MAP4K5: variants seen among roughly 807,000 people sequenced by gnomAD.
MAP4K5 encodes the protein MAPK/ERK kinase kinase kinase 5.
In MAP4K5, 82 loss-of-function variants were observed where a neutral mutation model predicts 135.6. The ratio of observed to expected loss-of-function variants is 0.60; its 90% CI spans 0.51 to 0.73. MAP4K5 has a LOEUF of 0.73. MAP4K5 is among the 30% of genes least tolerant of loss of function. The probability of loss-of-function intolerance (pLI) is 0.00; values close to 1 mark genes in which losing one functional copy is unlikely to be tolerated. For synonymous variants in MAP4K5, 347 were observed against 335.0 expected, an observed-to-expected ratio of 1.04 and a Z score of -0.39; for missense variants, 907 against 1,010.9, an observed-to-expected ratio of 0.90 and a Z score of 1.39.
At chr14:50,460,031 T>C (rs1365940616) in intron 13 of MAP4K5, among the ~76,000 whole-genome samples, 2 of 152,140 alleles carry the variant, frequency 1.3e-5, no homozygotes, top group Non-Finnish European at 2.9e-5. Context: ...TTATGTACAC[T>C]GCCTTTTCCC....
chr14:50,534,503 A>C (rs1393735478), upstream of MAP4K5, among the ~76,000 whole-genome samples: 1 of 152,234 alleles, frequency 6.6e-6, no homozygotes, highest in Non-Finnish European at 1.5e-5. Flanking sequence ...ACAATCCTTT[A>C]AGCATGTTAT....
chr14:50,442,709 T>C (rs1341760819), intron 21 of MAP4K5, 23 bp downstream of exon 21: 1 of 1,332,342 alleles, frequency 7.5e-7, no homozygotes, highest in East Asian at 2.3e-5. Flanking sequence ...ATTGGAGATG[T>C]ATATAAAATT....
At chr14:50,532,252 G>A in intron 1 of MAP4K5, 94 bp from the exon 2 acceptor site, 2 of 524,462 alleles carry the variant, frequency 3.8e-6, no homozygotes, top group Non-Finnish European at 6.7e-6. Context: ...CTTCCGTCCC[G>A]CCAGGGGCCG....
upstream of MAP4K5, among the ~76,000 whole-genome samples, chr14:50,534,565 T>C (rs1213070293): frequency 6.6e-6 from 1 of 152,266 alleles, no homozygotes; most frequent in Non-Finnish European, 1.5e-5. Context: ...TTTGAGGTCA[T>C]AGGCTTCAAC....
chr14:50,445,041 C>T lies in MAP4K5; in HGVS notation c.1339G>A (p.Gly447Arg). The T allele has an allele frequency of 6.2e-7, 1 of 1,612,712 alleles. No individual in the cohort carries two copies. The highest frequency in any genetic ancestry group is 8.5e-7 in the Non-Finnish European group (1 of 1,179,230). Reference sequence around the variant, plus strand: ...TGGCTGCTAATAATGCTAGCCATACCAATAGAAGAAGTCTCTGCCACAGGC... The same window carrying T: ...TGGCTGCTAATAATGCTAGCCATACTAATAGAAGAAGTCTCTGCCACAGGC... ...CGPVAETSSI[G>R]NGDGISKLMS... The change falls in exon 18 of 33, where the codon GGA becomes AGA. Residue 447 changes from glycine to arginine, a missense_variant and splice_region_variant. Around this residue, in one of 3 missense-constraint regions of MAP4K5, gnomAD observed 690 missense variants for 777.4 expected, o/e 0.89. Coordinates refer to ENST00000682126, the MANE Select transcript of MAP4K5 (RefSeq NM_006575.6).
At chr14:50,519,164 C>T (rs1474422208) in intron 2 of MAP4K5, among the ~76,000 whole-genome samples, 1 of 150,816 alleles carries the variant, frequency 6.6e-6, no homozygotes, top group Non-Finnish European at 1.5e-5. Context: ...TATTTACTGA[C>T]AAAAAGTTGT....
At chr14:50,498,739 T>A (rs897795571) in intron 3 of MAP4K5, among the ~76,000 whole-genome samples, 12 of 152,248 alleles carry the variant, frequency 7.9e-5, no homozygotes. Flanking sequence ...TGGAATTTCA[T>A]TTACTTAAAA....
intron 5 of MAP4K5, among the ~76,000 whole-genome samples, chr14:50,483,837 CATTTATTTATTTATTTATTTATTT>C (rs72048369): frequency 1.6e-4 from 23 of 144,188 alleles, no homozygotes; most frequent in Non-Finnish European, 2.6e-4. Flanking sequence ...ACAGCAATTC[CATTTATTTATTTATTTATTTATTT>C]ATTTATTTAT....
At position 50,501,467 on chromosome 14, in the gene MAP4K5, T is replaced by G. The variant is rs2037704370; in HGVS notation, c.166+3333A>C. Among the ~76,000 whole-genome samples, 3 of 151,944 alleles carry G rather than the reference T, an allele frequency of 2.0e-5. No homozygotes were observed. In the South Asian group the frequency reaches 6.2e-4, roughly 31 times the overall value. ...ATTAAAAACAAAAACAACAACAGAATTAAAATTAAACATCTCTCCAAACAA... is the reference window on the plus strand; with the variant it reads ...ATTAAAAACAAAAACAACAACAGAAGTAAAATTAAACATCTCTCCAAACAA... On this transcript the variant is annotated intron_variant, in intron 3 of 32. Transcript: ENST00000682126.
chr14:50,503,817 C>A (rs771555330), intron 3 of MAP4K5, among the ~76,000 whole-genome samples: 1 of 152,142 alleles, frequency 6.6e-6, no homozygotes. Context: ...CTTGAATAAC[C>A]ATCCTTGAAC....
At chr14:50,556,936 A>C (rs1008324042) in intron 1 of MAP4K5, among the ~76,000 whole-genome samples, 1 of 152,234 alleles carries the variant, frequency 6.6e-6, no homozygotes, top group East Asian at 1.9e-4. Context: ...GGCTATTATG[A>C]ATAATGCTGT....
intron 14 of MAP4K5, chr14:50,449,725 A>G (rs2036438387): frequency 6.6e-6 from 1 of 152,060 alleles, no homozygotes; most frequent in South Asian, 2.1e-4. Flanking sequence ...ACTTTAAAAA[A>G]TAATCTAAAA....
intron 14 of MAP4K5, among the ~76,000 whole-genome samples, chr14:50,454,555 A>C (rs554404420): frequency 6.6e-6 from 1 of 152,236 alleles, no homozygotes; most frequent in African/African-American, 2.4e-5. Flanking sequence ...ATACAAAAGA[A>C]GTTTCACAAA....
chr14:50,518,909 A>T (rs1453913164), intron 2 of MAP4K5, among the ~76,000 whole-genome samples: 5 of 152,190 alleles, frequency 3.3e-5, no homozygotes, highest in Admixed American at 6.5e-5. Flanking sequence ...TGATGGGTGC[A>T]AATTTTTTTG....
chr14:50,522,716 T>C (rs980212945), intron 2 of MAP4K5, among the ~76,000 whole-genome samples: 3 of 152,176 alleles, frequency 2.0e-5, no homozygotes, highest in African/African-American at 7.2e-5. Flanking sequence ...GAGTCTCTCA[T>C]AATGTCAGAC....
At position 50,532,125 on chromosome 14, in the gene MAP4K5, C is replaced by T. The variant is rs920621740; in HGVS notation, c.-76G>A. On this transcript the variant is annotated 5_prime_UTR_variant, in exon 2 of 33. Coordinates refer to ENST00000682126, the MANE Select transcript of MAP4K5 (RefSeq NM_006575.6). ...CCGCTAACAAGCACGAACGGCGCCG[C>T]TTCCCAACATGGAGCCTCCGCCCGC... The T allele has an allele frequency of 1.1e-6, 1 of 910,496 alleles. No individual in the cohort carries two copies. Among genetic ancestry groups the T allele is most frequent in the Non-Finnish European group, 1.7e-6 (1 of 592,732 alleles). 56.4% of individuals were successfully genotyped at this position (910,496 alleles called of 1,614,324 possible). A position where few individuals can be genotyped will look rare whatever the true frequency, so the allele number is the denominator to read the frequency against.
In MAP4K5 at chr14:50,489,629, C is replaced by T. The variant is rs142487385; in HGVS notation, c.167-3435G>A. 2.8e-4 allele frequency among the ~76,000 whole-genome samples: 43 copies of T among 152,212 alleles called. 1 individual carries two copies. The East Asian group carries it at 8.1e-3, about 29-fold the overall frequency. The stretch of plus-strand genomic sequence containing the variant: ...TAATCACTACCAGTCTGATCATAGC[C>T]CTCCTAACAAAATCTACCTCCATCC... On this transcript the variant is annotated intron_variant, in intron 3 of 32. Transcript: ENST00000682126.
rs1439069398 is a variant in MAP4K5, at chr14:50,462,758, A to C, written c.843T>G (p.Gly281=). ...GTTCAACTGCTAGGGCTCTAGAGAG[A>C]CCTGGCTGTGCAACAAAAGTGTGCT... The part of the protein sequence containing the change: ...LLTHTFVAQP[G]LSRALAVELL... Residue 281 remains glycine, a synonymous_variant, in exon 13 of 33, where the codon GGT becomes GGG. Transcript: ENST00000682126. 12 of 1,609,134 alleles carry C rather than the reference A, an allele frequency of 7.5e-6. No homozygotes were observed. The highest frequency in any genetic ancestry group is 1.0e-5 in the Non-Finnish European group (12 of 1,176,666).
At chr14:50,514,484 C>T (rs1215958954) in intron 2 of MAP4K5, among the ~76,000 whole-genome samples, 4 of 152,158 alleles carry the variant, frequency 2.6e-5, no homozygotes, top group African/African-American at 9.7e-5. Context: ...GAAACAAAAA[C>T]AGTTCCTGTC....
Sources: gnomAD v4.1 joint callset for allele counts (sites outside exome capture counted in the v4.1 genomes callset) on GRCh38, gnomAD v4.1.1 for gene constraint, gnomAD v4.1.1 regional missense constraint, MANE v1.5 for transcripts, NCBI Gene and HGNC (gene_info 2026-07-23, HGNC 2026-07-21) for gene names.